Variants in RPS6KC1 observed in about 807,000 individuals in gnomAD.
RPS6KC1 encodes inactive ribosomal protein S6 kinase delta-1.
Under a neutral mutation model 103.8 loss-of-function variants are expected in RPS6KC1, and 54 were observed. The observed-to-expected ratio is 0.52, with a 90% confidence interval of 0.42 to 0.65. The LOEUF (loss-of-function observed/expected upper bound fraction) is 0.65, where lower values mean the gene tolerates loss of function less well. RPS6KC1 is among the 30% of genes least tolerant of loss of function. The probability of loss-of-function intolerance (pLI) is 0.00; values close to 1 mark genes in which losing one functional copy is unlikely to be tolerated. For synonymous variants in RPS6KC1, 439 were observed against 438.7 expected, an observed-to-expected ratio of 1.00 and a Z score of -0.01; for missense variants, 1,151 against 1,253.8, an observed-to-expected ratio of 0.92 and a Z score of 1.24.
At chr1:213,331,908 CT>C in the RPS6KC1 span, among the ~76,000 whole-genome samples, 1 of 152,024 alleles carries the variant, frequency 6.6e-6, no homozygotes, top group Non-Finnish European at 1.5e-5. Context: ...TTACTCTCCT[CT>C]CCATGTTTCC....
the RPS6KC1 span, among the ~76,000 whole-genome samples, chr1:213,687,589 C>T: frequency 2.0e-5 from 3 of 152,048 alleles, no homozygotes; most frequent in Admixed American, 6.6e-5. Flanking sequence ...GCAGTGAGAA[C>T]CATAGAGGGA....
the RPS6KC1 span, among the ~76,000 whole-genome samples, chr1:213,630,275 T>C: frequency 3.9e-5 from 6 of 152,168 alleles, no homozygotes; most frequent in Non-Finnish European, 7.3e-5. Flanking sequence ...GGAGGCTTTG[T>C]TTCTTTTTAT....
chr1:213,191,291 CT>C (rs1203449802), intron 8 of RPS6KC1, among the ~76,000 whole-genome samples: 10 of 151,928 alleles, frequency 6.6e-5, no homozygotes, highest in African/African-American at 1.2e-4. Flanking sequence ...ATATCTTTCC[CT>C]TTTTTTGTGT....
At chr1:213,476,444 A>G in the RPS6KC1 span, among the ~76,000 whole-genome samples, 3 of 152,326 alleles carry the variant, frequency 2.0e-5, no homozygotes, top group Non-Finnish European at 4.4e-5. Context: ...CTCTGAGTGA[A>G]TGGTTTAACT....
chr1:213,416,184 A>G, the RPS6KC1 span, among the ~76,000 whole-genome samples: 1 of 152,222 alleles, frequency 6.6e-6, no homozygotes, highest in East Asian at 1.9e-4. Context: ...GCTGAAGACA[A>G]GAGCATGCCC....
At chr1:213,694,460 G>A in the RPS6KC1 span, among the ~76,000 whole-genome samples, 1 of 152,166 alleles carries the variant, frequency 6.6e-6, no homozygotes, top group African/African-American at 2.4e-5. Flanking sequence ...TAAAACTACA[G>A]TTCCTGTAAG....
intron 6 of RPS6KC1, among the ~76,000 whole-genome samples, chr1:213,162,779 T>C (rs1225654636): frequency 6.6e-6 from 1 of 152,236 alleles, no homozygotes; most frequent in East Asian, 1.9e-4. Flanking sequence ...GAAAAACTGC[T>C]AGACATTATT....
At chr1:213,305,178 G>A in the RPS6KC1 span, among the ~76,000 whole-genome samples, 2 of 152,042 alleles carry the variant, frequency 1.3e-5, no homozygotes, top group African/African-American at 2.4e-5. Flanking sequence ...TCCGCCTCCC[G>A]GATTCCAGTG....
At chr1:213,214,611 C>G (rs1196970232) in intron 8 of RPS6KC1, among the ~76,000 whole-genome samples, 1 of 152,246 alleles carries the variant, frequency 6.6e-6, no homozygotes, top group East Asian at 1.9e-4. Flanking sequence ...AGTAGCCTAA[C>G]TGGGAGGCAC....
At chr1:213,645,178 CA>C in the RPS6KC1 span, among the ~76,000 whole-genome samples, 1 of 152,196 alleles carries the variant, frequency 6.6e-6, no homozygotes, top group Non-Finnish European at 1.5e-5. Flanking sequence ...TGGTGATGAG[CA>C]CAGACTGAAG....
the RPS6KC1 span, among the ~76,000 whole-genome samples, chr1:213,789,617 A>T: frequency 4.6e-5 from 7 of 152,200 alleles, no homozygotes; most frequent in African/African-American, 1.7e-4. Flanking sequence ...TTGGAAAATC[A>T]TTCTGACTCA....
chr1:213,311,260 T>G, the RPS6KC1 span, among the ~76,000 whole-genome samples: 12 of 151,938 alleles, frequency 7.9e-5, no homozygotes, highest in Admixed American at 6.6e-4. Flanking sequence ...TGCCTCAGCC[T>G]CCTGAGTAGC....
At chr1:213,258,157 A>G (rs1280817587) in intron 12 of RPS6KC1, among the ~76,000 whole-genome samples, 3 of 151,786 alleles carry the variant, frequency 2.0e-5, no homozygotes, top group Non-Finnish European at 2.9e-5. Context: ...AATTTTTTGT[A>G]TTTTTAGTAG....
At chr1:213,298,385 A>AT in the RPS6KC1 span, among the ~76,000 whole-genome samples, 113 of 151,860 alleles carry the variant, frequency 7.4e-4, no homozygotes, top group Non-Finnish European at 1.4e-3. Flanking sequence ...CCAACCCTTT[A>AT]TTTTTTTTCC....
the RPS6KC1 span, among the ~76,000 whole-genome samples, chr1:213,834,697 C>T: frequency 6.7e-6 from 1 of 149,012 alleles, no homozygotes; most frequent in African/African-American, 2.5e-5. Context: ...CTCAAACACA[C>T]ACACACACAC....
At chr1:213,572,791 A>C in the RPS6KC1 span, among the ~76,000 whole-genome samples, 7 of 152,328 alleles carry the variant, frequency 4.6e-5, no homozygotes, top group African/African-American at 1.4e-4. Context: ...ATTTCTTCAT[A>C]AAGAGATAAA....
chr1:213,302,416 C>T, the RPS6KC1 span, among the ~76,000 whole-genome samples: 3 of 152,134 alleles, frequency 2.0e-5, no homozygotes, highest in African/African-American at 7.2e-5. Context: ...AATCGCAACA[C>T]TTTGGAAGGC....
At chr1:213,141,179 G>A (rs1000953834) in intron 6 of RPS6KC1, among the ~76,000 whole-genome samples, 6 of 152,248 alleles carry the variant, frequency 3.9e-5, no homozygotes, top group African/African-American at 9.6e-5. Context: ...TTACAGGCAT[G>A]AGCCACCATG....
chr1:213,576,248 A>G, the RPS6KC1 span, among the ~76,000 whole-genome samples: 78 of 152,192 alleles, frequency 5.1e-4, 2 homozygotes, highest in Admixed American at 5.0e-3. Context: ...ATATAAATTT[A>G]AAAACAATAT....
Sources: allele counts gnomAD v4.1 joint callset (sites outside exome capture counted in the v4.1 genomes callset), GRCh38; gene constraint gnomAD v4.1.1; transcripts MANE v1.5; gene names NCBI Gene and HGNC (gene_info 2026-07-23, HGNC 2026-07-21).